EFCAB5: variants seen among roughly 807,000 people sequenced by gnomAD.
EFCAB5 encodes EF-hand calcium-binding domain-containing protein 5.
A neutral mutation model predicts 167.9 loss-of-function variants in EFCAB5; 131 were observed. That is an observed-to-expected ratio of 0.78 (90% CI 0.68 to 0.90). EFCAB5 has a LOEUF of 0.90. Among genes scored for constraint, EFCAB5 ranks in the 40% least tolerant of loss-of-function variants. The pLI is 0.00. For missense variants in EFCAB5, 1,663 were observed against 1,745.2 expected (o/e 0.95, Z 0.84); for synonymous variants, 574 against 602.8 (o/e 0.95, Z 0.70).
At chr17:30,031,021 A>T (rs545736817) in intron 7 of EFCAB5, among the ~76,000 whole-genome samples, 7 of 151,490 alleles carry the variant, frequency 4.6e-5, no homozygotes, top group African/African-American at 1.7e-4. Flanking sequence ...CCAAATACCA[A>T]TTTTTTTTTC....
In EFCAB5 at chr17:30,079,642, T is replaced by C. The variant is rs77455597; in HGVS notation, c.3028-430T>C. On this transcript the variant is annotated intron_variant, in intron 15 of 22. Transcript: ENST00000394835. ...TAAGAGTTCCTCGAGAGCATTTTTTTTCACTTTCACATCACAGTCGACGGT... is the reference window on the plus strand; with the variant it reads ...TAAGAGTTCCTCGAGAGCATTTTTTCTCACTTTCACATCACAGTCGACGGT... Among the ~76,000 whole-genome samples, 574 of 152,328 alleles carry C rather than the reference T, an allele frequency of 3.8e-3. 23 individuals are homozygous for C. In the East Asian group the frequency reaches 0.098, roughly 26 times the overall value.
At chr17:30,006,415 T>C (rs1305402010) in intron 7 of EFCAB5, among the ~76,000 whole-genome samples, 3 of 152,172 alleles carry the variant, frequency 2.0e-5, no homozygotes, top group Non-Finnish European at 4.4e-5. Context: ...TTTTTCTAGC[T>C]CTTTTTACTT....
At chr17:30,082,670 G>T (rs1268852172) in intron 17 of EFCAB5, among the ~76,000 whole-genome samples, 3 of 152,084 alleles carry the variant, frequency 2.0e-5, no homozygotes, top group Non-Finnish European at 4.4e-5. Flanking sequence ...GGGATTACAG[G>T]CATGAGCCAT....
intron 18 of EFCAB5, among the ~76,000 whole-genome samples, chr17:30,085,223 G>A (rs767363960): frequency 6.6e-6 from 1 of 151,978 alleles, no homozygotes; most frequent in Non-Finnish European, 1.5e-5. Context: ...GAGTCATAGA[G>A]GAAAAAAATT....
intron 7 of EFCAB5, among the ~76,000 whole-genome samples, chr17:30,020,047 G>C (rs1204341647): frequency 6.6e-6 from 1 of 151,818 alleles, no homozygotes; most frequent in African/African-American, 2.4e-5. Flanking sequence ...TCTGTACTTG[G>C]CTTATTTCAC....
chr17:30,040,763 C>T (rs548575447), intron 8 of EFCAB5, among the ~76,000 whole-genome samples: 9 of 152,326 alleles, frequency 5.9e-5, no homozygotes, highest in African/African-American at 1.9e-4. Flanking sequence ...GCTCCTTACT[C>T]TAAAGCCTCC....
intron 3 of EFCAB5, among the ~76,000 whole-genome samples, chr17:29,944,503 A>C (rs2151519110): frequency 6.6e-6 from 1 of 152,322 alleles, no homozygotes; most frequent in South Asian, 2.1e-4. Context: ...GACATCTAGC[A>C]GGCAACCCAC....
intron 22 of EFCAB5, among the ~76,000 whole-genome samples, chr17:30,094,061 G>A (rs1204207048): frequency 2.0e-5 from 3 of 152,108 alleles, no homozygotes; most frequent in Non-Finnish European, 4.4e-5. Flanking sequence ...AATACCTGTA[G>A]GTTCAGCCTG....
chr17:29,951,846 T>C (rs2067519557), intron 3 of EFCAB5, among the ~76,000 whole-genome samples: 1 of 152,186 alleles, frequency 6.6e-6, no homozygotes, highest in African/African-American at 2.4e-5. Flanking sequence ...CAAAAACCAC[T>C]GCTCTACAGT....
chr17:29,952,443 T>A (rs945939588), intron 3 of EFCAB5, among the ~76,000 whole-genome samples: 1 of 152,168 alleles, frequency 6.6e-6, no homozygotes, highest in Non-Finnish European at 1.5e-5. Flanking sequence ...AAGAGACATA[T>A]GCAATACTTT....
chr17:30,072,061 G>A (rs928605697), intron 14 of EFCAB5, among the ~76,000 whole-genome samples: 10 of 152,068 alleles, frequency 6.6e-5, no homozygotes, highest in Non-Finnish European at 1.5e-4. Flanking sequence ...GATATGAGGC[G>A]TAAGTTATAG....
At chr17:29,971,930 T>C (rs901466437) in intron 4 of EFCAB5, among the ~76,000 whole-genome samples, 1 of 152,198 alleles carries the variant, frequency 6.6e-6, no homozygotes, top group Non-Finnish European at 1.5e-5. Context: ...GATTTTAATA[T>C]ATATTCAATA....
chr17:29,985,274 G>C (rs976999380), intron 4 of EFCAB5, among the ~76,000 whole-genome samples: 1 of 152,204 alleles, frequency 6.6e-6, no homozygotes, highest in Non-Finnish European at 1.5e-5. Context: ...ACTTTGGCTA[G>C]ATAAAGGCAA....
intron 4 of EFCAB5, among the ~76,000 whole-genome samples, chr17:29,992,222 T>G (rs922785537): frequency 1.3e-5 from 2 of 152,222 alleles, no homozygotes; most frequent in African/African-American, 4.8e-5. Flanking sequence ...AAGTGAAAAC[T>G]TGTGGTATTT....
intron 7 of EFCAB5, among the ~76,000 whole-genome samples, chr17:30,014,196 AT>A (rs774523445): frequency 6.6e-6 from 1 of 152,192 alleles, no homozygotes; most frequent in Non-Finnish European, 1.5e-5. Flanking sequence ...GTTCTTTAAC[AT>A]TTGCTGAGGA....
intron 22 of EFCAB5, among the ~76,000 whole-genome samples, chr17:30,094,905 T>G (rs1359451881): frequency 6.6e-6 from 1 of 152,206 alleles, no homozygotes; most frequent in African/African-American, 2.4e-5. Flanking sequence ...CAGCTGTGTT[T>G]GCAGTAGTAC....
chr17:30,015,759 C>CTTTTTTTTTTT (rs71138866), intron 7 of EFCAB5, among the ~76,000 whole-genome samples: 2 of 130,566 alleles, frequency 1.5e-5, no homozygotes, highest in East Asian at 2.1e-4. Flanking sequence ...TTGGTTATTT[C>CTTTTTTTTTTT]TTTTTTTTTT....
In EFCAB5 at chr17:29,969,192, G is replaced by A; in HGVS notation, c.592G>A (p.Val198Ile). Residue 198 changes from valine (V) to isoleucine (I), a missense_variant, in exon 4 of 23, where the codon GTT (valine) becomes ATT (isoleucine). Coordinates refer to ENST00000394835, the MANE Select transcript of EFCAB5 (RefSeq NM_198529.4). ...NMLTQVEKKK[V>I]LTEADTPSKF... ...GTTAACTCAAGTAGAAAAGAAGAAG[G>A]TTTTGACAGAAGCTGATACTCCAAG... is the stretch of plus-strand genomic sequence containing the variant. 2 of 1,613,646 alleles carry A rather than the reference G, an allele frequency of 1.2e-6. No individual in the cohort carries two copies. The highest frequency in any genetic ancestry group is 1.7e-6 in the Non-Finnish European group (2 of 1,179,816).
intron 3 of EFCAB5, chr17:29,968,508 G>C (rs1200634462): frequency 2.8e-6 from 1 of 351,566 alleles, no homozygotes; most frequent in East Asian, 7.0e-5. Context: ...TCTAATAGTC[G>C]TCATGTGATC....
Sources: gnomAD v4.1 joint callset for allele counts (sites outside exome capture counted in the v4.1 genomes callset) on GRCh38, gnomAD v4.1.1 for gene constraint, MANE v1.5 for transcripts, NCBI Gene and HGNC (gene_info 2026-07-23, HGNC 2026-07-21) for gene names.